VRK2: variants seen among roughly 807,000 people sequenced by gnomAD.
VRK2 encodes the protein serine/threonine-protein kinase VRK2.
A neutral mutation model predicts 57.6 loss-of-function variants in VRK2; 60 were observed. The observed-to-expected ratio is 1.04, with a 90% CI of 0.85 to 1.29. The LOEUF is 1.29. Ranked by LOEUF, VRK2 falls within the 50% of genes most tolerant of loss-of-function variation. VRK2 has a pLI of 0.00. For missense variants in VRK2, 705 were observed against 588.1 expected, an observed-to-expected ratio of 1.20 and a Z score of -2.06; for synonymous variants, 231 against 199.2, an observed-to-expected ratio of 1.16 and a Z score of -1.35.
intron 1 of VRK2, among the ~76,000 whole-genome samples, chr2:57,930,393 C>A (rs930152103): frequency 6.6e-6 from 1 of 152,182 alleles, no homozygotes; most frequent in Non-Finnish European, 1.5e-5. Context: ...CTCCCTCCCC[C>A]AAACACATAG....
At chr2:58,142,993 T>C (rs970315873) in intron 11 of VRK2, among the ~76,000 whole-genome samples, 2 of 151,886 alleles carry the variant, frequency 1.3e-5, no homozygotes, top group Non-Finnish European at 2.9e-5. Flanking sequence ...AGCTAAAAGG[T>C]TGTCCCTTCA....
intron 1 of VRK2, among the ~76,000 whole-genome samples, chr2:58,005,039 T>A (rs927156406): frequency 2.6e-5 from 4 of 152,170 alleles, no homozygotes; most frequent in Admixed American, 2.0e-4. Flanking sequence ...AAGAAATGTA[T>A]AAACATTATG....
At chr2:58,088,792 G>C (rs1671983730) in intron 6 of VRK2, among the ~76,000 whole-genome samples, 1 of 152,164 alleles carries the variant, frequency 6.6e-6, no homozygotes, top group Non-Finnish European at 1.5e-5. Context: ...TATATTGTCA[G>C]ACATTTTAAA....
upstream of VRK2, among the ~76,000 whole-genome samples, chr2:58,043,105 C>T (rs1674527731): frequency 6.6e-6 from 1 of 152,082 alleles, no homozygotes; most frequent in Non-Finnish European, 1.5e-5. Context: ...ATCATTGGCA[C>T]TTATGAAACT....
At chr2:57,998,934 A>G (rs570610439) in intron 1 of VRK2, among the ~76,000 whole-genome samples, 1 of 152,318 alleles carries the variant, frequency 6.6e-6, no homozygotes, top group African/African-American at 2.4e-5. Context: ...TCTGTACTGT[A>G]AGATCAAAAT....
At chr2:57,945,770 A>T (rs1417490134) in intron 1 of VRK2, among the ~76,000 whole-genome samples, 2 of 152,130 alleles carry the variant, frequency 1.3e-5, no homozygotes, top group Non-Finnish European at 2.9e-5. Flanking sequence ...ATTCTCTCAT[A>T]TGGGAAGAGA....
chr2:58,135,008 T>A, intron 9 of VRK2, 133 bp from the exon 10 acceptor site: 1 of 841,656 alleles, frequency 1.2e-6, no homozygotes. Context: ...CCATTATAGT[T>A]GGGTGACAAA....
At chr2:58,052,223 G>A (rs922184570) in intron 2 of VRK2, among the ~76,000 whole-genome samples, 1 of 152,124 alleles carries the variant, frequency 6.6e-6, no homozygotes, top group Non-Finnish European at 1.5e-5. Flanking sequence ...ATAATTGTGA[G>A]GAGAATTAAA....
chr2:58,159,395 T>C lies in VRK2; in HGVS notation c.1229T>C (p.Leu410Ser). 6.2e-7 allele frequency: 1 copy of C among 1,613,158 alleles called. No homozygotes were observed. Among genetic ancestry groups the C allele is most frequent in the Non-Finnish European group, 8.5e-7 (1 of 1,179,624 alleles). Residue 410 changes from leucine to serine, a missense_variant, in exon 13 of 13, where the codon TTG becomes TCG. Physicochemically the swap from Leu to Ser is moderately radical, Grantham distance 145. Transcript: ENST00000340157. ...RQKYQESQEP[L>S]NEVNSFPQKI... Reference sequence around the variant, plus strand: ...AAATATCAAGAGTCTCAAGAACCTTTGAATGAAGTAAACAGTTTCCCACAA... The same window carrying C: ...AAATATCAAGAGTCTCAAGAACCTTCGAATGAAGTAAACAGTTTCCCACAA...
intron 2 of VRK2, among the ~76,000 whole-genome samples, chr2:58,063,602 A>G (rs537952979): frequency 5.4e-4 from 82 of 152,174 alleles, no homozygotes; most frequent in African/African-American, 1.9e-3. Context: ...GCTTGTTGAC[A>G]ATGCACTTTA....
intron 2 of VRK2, among the ~76,000 whole-genome samples, chr2:58,079,676 G>A (rs1078191): frequency 0.099 from 15,042 of 151,830 alleles, 785 homozygotes; most frequent in East Asian, 0.14. Context: ...TGGCAAAACC[G>A]TGATTACTTT....
chr2:58,154,673 AAATTTT>A, intron 12 of VRK2: 1 of 710,740 alleles, frequency 1.4e-6, no homozygotes, highest in Non-Finnish European at 2.6e-6. Flanking sequence ...AGGGGTCTTT[AAATTTT>A]AAAGCATTTG....
At chr2:58,046,718 G>C, upstream of VRK2, 1 of 985,566 alleles carries the variant, frequency 1.0e-6, no homozygotes, top group Non-Finnish European at 1.2e-6. Flanking sequence ...GGCCGACGCA[G>C]CTGGAGAGAA....
chr2:58,065,140 C>CT (rs1229627418), intron 2 of VRK2, among the ~76,000 whole-genome samples: 1 of 151,884 alleles, frequency 6.6e-6, no homozygotes, highest in Non-Finnish European at 1.5e-5. Flanking sequence ...GTACTTGTAT[C>CT]TTTTTTCTTA....
intron 11 of VRK2, among the ~76,000 whole-genome samples, chr2:58,143,614 G>A (rs960320541): frequency 2.0e-5 from 3 of 151,954 alleles, no homozygotes; most frequent in South Asian, 2.1e-4. Context: ...TTGCTTATAC[G>A]TCAGAGGCTC....
chr2:57,966,388 G>C (rs1334291197), intron 1 of VRK2, among the ~76,000 whole-genome samples: 1 of 152,174 alleles, frequency 6.6e-6, no homozygotes, highest in Non-Finnish European at 1.5e-5. Flanking sequence ...AGTATCATGA[G>C]ACAGGTAAAA....
chr2:58,081,985 T>C (rs530185280), intron 2 of VRK2, among the ~76,000 whole-genome samples: 7 of 151,834 alleles, frequency 4.6e-5, no homozygotes, highest in Middle Eastern at 3.4e-3. Flanking sequence ...TATTCTACTA[T>C]AAAAAGACCC....
intron 7 of VRK2, among the ~76,000 whole-genome samples, chr2:58,104,440 C>A (rs774293386): frequency 1.3e-5 from 2 of 150,264 alleles, no homozygotes; most frequent in East Asian, 1.9e-4. Flanking sequence ...AGAACCAAAT[C>A]GAAAAGGCAA....
intron 1 of VRK2, among the ~76,000 whole-genome samples, chr2:57,985,008 TAA>T (rs929598425): frequency 6.6e-6 from 1 of 152,016 alleles, no homozygotes; most frequent in Non-Finnish European, 1.5e-5. Flanking sequence ...AAGTCAACAT[TAA>T]GTCATTACGC....
Sources: allele counts gnomAD v4.1 joint callset (sites outside exome capture counted in the v4.1 genomes callset), GRCh38; gene constraint gnomAD v4.1.1; transcripts MANE v1.5; gene names NCBI Gene and HGNC (gene_info 2026-07-23, HGNC 2026-07-21).